CNTN5: variants seen among roughly 807,000 people sequenced by gnomAD.
CNTN5 encodes the protein contactin 5, also known as contactin-5.
A neutral mutation model predicts 129.1 loss-of-function variants in CNTN5; 77 were observed. The ratio of observed to expected loss-of-function variants is 0.60; its 90% CI spans 0.50 to 0.72. CNTN5 has a LOEUF of 0.72. Ranked by LOEUF, CNTN5 falls within the 30% of genes least tolerant of loss-of-function variation. The pLI is 0.00. For synonymous variants in CNTN5, 509 were observed against 465.6 expected (o/e 1.09, Z -1.20); for missense variants, 1,478 against 1,328.8 (o/e 1.11, Z -1.75).
At chr11:100,121,923 G>T (rs894758018) in intron 13 of CNTN5, among the ~76,000 whole-genome samples, 1 of 151,934 alleles carries the variant, frequency 6.6e-6, no homozygotes, top group African/African-American at 2.4e-5. Flanking sequence ...GGGTTTTAGG[G>T]TTCTCCAGAG....
At chr11:99,307,709 T>C (rs981885947) in intron 1 of CNTN5, among the ~76,000 whole-genome samples, 4 of 152,132 alleles carry the variant, frequency 2.6e-5, no homozygotes, top group Admixed American at 1.3e-4. Flanking sequence ...GCTGGTGCCC[T>C]TGAGTCTAAC....
chr11:99,962,662 G>T (rs887660006), intron 8 of CNTN5, among the ~76,000 whole-genome samples: 1 of 150,234 alleles, frequency 6.7e-6, no homozygotes, highest in Non-Finnish European at 1.5e-5. Flanking sequence ...TAGTCATTTG[G>T]TTATATACCC....
intron 1 of CNTN5, among the ~76,000 whole-genome samples, chr11:99,175,495 A>C (rs543264328): frequency 3.1e-4 from 47 of 152,242 alleles, no homozygotes; most frequent in African/African-American, 1.1e-3. Flanking sequence ...GAAGTGATGA[A>C]GAGATAGTTT....
At chr11:100,243,805 A>G (rs1156944393) in intron 16 of CNTN5, among the ~76,000 whole-genome samples, 5 of 152,126 alleles carry the variant, frequency 3.3e-5, no homozygotes, top group African/African-American at 9.7e-5. Context: ...CATCACAATG[A>G]TTCCTGACCT....
At chr11:100,148,181 G>A (rs1946920164) in intron 13 of CNTN5, among the ~76,000 whole-genome samples, 1 of 152,022 alleles carries the variant, frequency 6.6e-6, no homozygotes, top group Non-Finnish European at 1.5e-5. Flanking sequence ...AAAACTCTGA[G>A]CACTCTATCT....
chr11:99,229,711 T>C (rs1452277008), intron 1 of CNTN5, among the ~76,000 whole-genome samples: 1 of 152,034 alleles, frequency 6.6e-6, no homozygotes, highest in East Asian at 1.9e-4. Context: ...CTTGAAAGAA[T>C]TCATGTTTCT....
At chr11:99,376,334 G>A (rs928813661) in intron 2 of CNTN5, among the ~76,000 whole-genome samples, 1 of 152,092 alleles carries the variant, frequency 6.6e-6, no homozygotes, top group Non-Finnish European at 1.5e-5. Context: ...CTGAGGTTCT[G>A]CTCCAAAACA....
intron 1 of CNTN5, among the ~76,000 whole-genome samples, chr11:99,091,835 G>A (rs1037335328): frequency 5.3e-5 from 8 of 152,146 alleles, no homozygotes; most frequent in Non-Finnish European, 1.0e-4. Flanking sequence ...CAATGGATAC[G>A]AGGAGAAAAA....
intron 7 of CNTN5, among the ~76,000 whole-genome samples, chr11:99,941,522 CACTT>C (rs986444310): frequency 7.1e-6 from 1 of 140,092 alleles, no homozygotes; most frequent in African/African-American, 2.8e-5. Context: ...CCTAAGAAAA[CACTT>C]ACTGCCACGC....
intron 6 of CNTN5, among the ~76,000 whole-genome samples, chr11:99,895,096 G>A (rs557253972): frequency 1.3e-5 from 2 of 152,300 alleles, no homozygotes; most frequent in East Asian, 3.9e-4. Context: ...TAAAGGTAGG[G>A]CATAAGGATA....
intron 15 of CNTN5, among the ~76,000 whole-genome samples, chr11:100,197,795 A>G (rs950872658): frequency 2.6e-5 from 4 of 152,074 alleles, no homozygotes; most frequent in African/African-American, 9.6e-5. Flanking sequence ...ACACAGAAAA[A>G]TATCTCACGC....
chr11:99,373,417 C>A (rs1271028060), intron 2 of CNTN5, among the ~76,000 whole-genome samples: 3 of 151,330 alleles, frequency 2.0e-5, no homozygotes, highest in Non-Finnish European at 3.0e-5. Context: ...CATTTTTATT[C>A]ATTTGAAATT....
At chr11:99,237,685 GA>G (rs140750722) in intron 1 of CNTN5, among the ~76,000 whole-genome samples, 33 of 141,340 alleles carry the variant, frequency 2.3e-4, no homozygotes, top group Middle Eastern at 3.6e-3. Context: ...GTCTCAAAAA[GA>G]AAAAAAAAAG....
At chr11:99,372,955 T>C (rs1177136396) in intron 2 of CNTN5, among the ~76,000 whole-genome samples, 1 of 152,222 alleles carries the variant, frequency 6.6e-6, no homozygotes, top group African/African-American at 2.4e-5. Flanking sequence ...ACGCCTATAA[T>C]CCCAGCACTT....
In CNTN5 at chr11:99,731,232, C is replaced by T. The variant is rs545723703; in HGVS notation, c.56-88312C>T. Among the ~76,000 whole-genome samples, 174 of 152,032 alleles carry T rather than the reference C, an allele frequency of 1.1e-3. 2 individuals are homozygous for T. Among genetic ancestry groups the T allele is most frequent in the African/African-American group, 3.8e-3 (157 of 41,434 alleles). ...ACGCCATTCTCCTGCCTCAGCCTCCCGAGTAGCTGGGACTACAGGCGCCCG... is the reference window on the plus strand; with the variant it reads ...ACGCCATTCTCCTGCCTCAGCCTCCTGAGTAGCTGGGACTACAGGCGCCCG... On this transcript the variant is annotated intron_variant, in intron 3 of 24. Transcript: ENST00000524871.
chr11:100,145,913 C>T (rs73565500), intron 13 of CNTN5, among the ~76,000 whole-genome samples: 5,772 of 152,154 alleles, frequency 0.038, 352 homozygotes, highest in African/African-American at 0.13. Context: ...TAGCCGTTCT[C>T]TAACAGTCAT....
chr11:99,430,323 A>G (rs1943308604), intron 2 of CNTN5, among the ~76,000 whole-genome samples: 1 of 151,894 alleles, frequency 6.6e-6, no homozygotes. Flanking sequence ...AAAATTCCGA[A>G]AAGCAAGATC....
At chr11:99,611,763 A>G (rs552789232) in intron 3 of CNTN5, among the ~76,000 whole-genome samples, 8 of 152,274 alleles carry the variant, frequency 5.3e-5, no homozygotes, top group African/African-American at 1.9e-4. Flanking sequence ...TAATAGCTTC[A>G]TTTGACCAGG....
intron 3 of CNTN5, among the ~76,000 whole-genome samples, chr11:99,795,086 A>G (rs12575967): frequency 0.11 from 16,330 of 152,216 alleles, 1,560 homozygotes; most frequent in East Asian, 0.43. Flanking sequence ...CTTTCTATAC[A>G]TAATCCCATA....
Sources: gnomAD v4.1 joint callset for allele counts (sites outside exome capture counted in the v4.1 genomes callset) on GRCh38, gnomAD v4.1.1 for gene constraint, MANE v1.5 for transcripts, NCBI Gene and HGNC (gene_info 2026-07-23, HGNC 2026-07-21) for gene names.